AFAP1: variants seen among roughly 807,000 people sequenced by gnomAD.
The protein encoded by AFAP1 is actin filament associated protein 1.
In AFAP1, 75 loss-of-function variants were observed where a neutral mutation model predicts 93.9. That is an observed-to-expected ratio of 0.80 (90% CI 0.66 to 0.97). The LOEUF is 0.97. Among genes scored for constraint, AFAP1 ranks in the 50% least tolerant of loss-of-function variants. The pLI is 0.00. For missense variants in AFAP1, 1,201 were observed against 1,050.8 expected (o/e 1.14, Z -1.98); for synonymous variants, 517 against 430.7 (o/e 1.20, Z -2.48).
chr4:7,919,680 GGTTT>G lies in AFAP1; in HGVS notation c.-3+19972_-3+19975del, dbSNP rs570844907. Among the ~76,000 whole-genome samples, 13 of 152,122 alleles carry G rather than the reference GGTTT, an allele frequency of 8.5e-5. No individual in the cohort carries two copies. In the East Asian group the frequency reaches 1.4e-3, roughly 16 times the overall value. On this transcript the variant is annotated intron_variant, in intron 1 of 17. Transcript: ENST00000420658. ...CTGGGGTACACGTGCAGGATGTGCA[GGTTT>G]GTTACATAGGTAAATGTGTGCCATG...
At chr4:7,834,562 T>C (rs1307021078) in intron 6 of AFAP1, among the ~76,000 whole-genome samples, 2 of 152,256 alleles carry the variant, frequency 1.3e-5, no homozygotes, top group African/African-American at 2.4e-5. Flanking sequence ...AGGAAGCATC[T>C]TTCCGAAAGC....
At chr4:7,855,692 A>C (rs1460155413) in intron 3 of AFAP1, 118 bp from the exon 4 acceptor site, 1 of 815,052 alleles carries the variant, frequency 1.2e-6, no homozygotes, top group Admixed American at 2.1e-5. Context: ...GTCTTCGGCA[A>C]AAGAGAACCT....
chr4:7,778,300 C>G (rs1249424796), intron 14 of AFAP1: 1 of 205,928 alleles, frequency 4.9e-6, no homozygotes, highest in Non-Finnish European at 9.9e-6. Flanking sequence ...ACTCCTCATA[C>G]TGCTCTAGTG....
chr4:7,851,374 G>A (rs777036693), intron 4 of AFAP1, among the ~76,000 whole-genome samples: 26 of 152,206 alleles, frequency 1.7e-4, no homozygotes, highest in Non-Finnish European at 3.1e-4. Context: ...AGTCCTGTGC[G>A]CTGCCTCTTC....
At chr4:7,844,574 C>T (rs185163255) in intron 4 of AFAP1, among the ~76,000 whole-genome samples, 109 of 152,342 alleles carry the variant, frequency 7.2e-4, no homozygotes, top group Non-Finnish European at 1.2e-3. Context: ...AGGCTGTAAG[C>T]CCCCTGAAGA....
chr4:7,871,514 C>G (rs534000917), intron 2 of AFAP1, among the ~76,000 whole-genome samples: 3 of 152,320 alleles, frequency 2.0e-5, no homozygotes, highest in South Asian at 2.1e-4. Flanking sequence ...AGCGTGTGCT[C>G]TGTGTGACCC....
At chr4:7,868,323 T>C (rs1716657536) in intron 3 of AFAP1, among the ~76,000 whole-genome samples, 1 of 152,162 alleles carries the variant, frequency 6.6e-6, no homozygotes, top group Admixed American at 6.5e-5. Flanking sequence ...TAATTTTTGT[T>C]TTTCTTAATC....
At chr4:7,816,298 G>A (rs1720476060) in intron 7 of AFAP1, among the ~76,000 whole-genome samples, 199 bp from the exon 8 acceptor site, 1 of 149,974 alleles carries the variant, frequency 6.7e-6, no homozygotes, top group Non-Finnish European at 1.5e-5. Context: ...ATCCAGAGGG[G>A]GAAAAAAAAA....
intron 12 of AFAP1, among the ~76,000 whole-genome samples, 173 bp downstream of exon 12, chr4:7,786,021 G>A (rs1023937212): frequency 1.3e-5 from 2 of 152,224 alleles, no homozygotes; most frequent in Non-Finnish European, 2.9e-5. Context: ...TGCAGATTCA[G>A]ATAAACAGCA....
At chr4:7,886,407 G>A (rs533004401) in intron 1 of AFAP1, among the ~76,000 whole-genome samples, 2 of 152,260 alleles carry the variant, frequency 1.3e-5, no homozygotes, top group South Asian at 2.1e-4. Context: ...TATGACAATC[G>A]CTGTGCAGTT....
chr4:7,836,045 G>A (rs560963280), intron 6 of AFAP1, among the ~76,000 whole-genome samples: 1 of 152,176 alleles, frequency 6.6e-6, no homozygotes, highest in East Asian at 1.9e-4. Context: ...GGAACAACTG[G>A]GGACCCCCGT....
At chr4:7,774,985 T>C (rs967074179) in intron 14 of AFAP1, 82 bp from the exon 15 acceptor site, 3 of 1,524,364 alleles carry the variant, frequency 2.0e-6, no homozygotes, top group South Asian at 1.3e-5. Flanking sequence ...CCACAAAAAA[T>C]ACAAAATTAG....
At chr4:7,925,338 A>T (rs1390775304) in intron 1 of AFAP1, among the ~76,000 whole-genome samples, 1 of 152,178 alleles carries the variant, frequency 6.6e-6, no homozygotes, top group East Asian at 1.9e-4. Flanking sequence ...CCAGGGAAGG[A>T]ACCACATGTT....
intron 4 of AFAP1, among the ~76,000 whole-genome samples, chr4:7,847,472 T>G (rs1208837034): frequency 1.3e-5 from 2 of 152,130 alleles, no homozygotes; most frequent in Admixed American, 1.3e-4. Flanking sequence ...CTCCGGAAAG[T>G]ATGCTTAGCG....
chr4:7,883,655 CTTATT>C, intron 1 of AFAP1, among the ~76,000 whole-genome samples: 1 of 152,254 alleles, frequency 6.6e-6, no homozygotes, highest in South Asian at 2.1e-4. Flanking sequence ...TTTCTGCATG[CTTATT>C]TTATATCAAA....
intron 1 of AFAP1, among the ~76,000 whole-genome samples, chr4:7,906,552 C>CT (rs1719413916): frequency 6.6e-6 from 1 of 152,198 alleles, no homozygotes; most frequent in Non-Finnish European, 1.5e-5. Context: ...CTCATGAACT[C>CT]TGACAGTATC....
chr4:7,918,506 G>C, intron 1 of AFAP1, among the ~76,000 whole-genome samples: 1 of 138,636 alleles, frequency 7.2e-6, no homozygotes, highest in Non-Finnish European at 1.5e-5. Context: ...CCCGCAAACA[G>C]GGCTGCCGGA....
intron 11 of AFAP1, among the ~76,000 whole-genome samples, chr4:7,793,247 T>G (rs1324917307): frequency 1.3e-5 from 2 of 152,212 alleles, no homozygotes; most frequent in African/African-American, 4.8e-5. Context: ...TACAGCAATA[T>G]GTAGAATCAT....
intron 3 of AFAP1, among the ~76,000 whole-genome samples, chr4:7,860,713 T>C (rs1021624477): frequency 6.6e-6 from 1 of 152,214 alleles, no homozygotes; most frequent in Non-Finnish European, 1.5e-5. Context: ...CCGTTGCTCC[T>C]GCAGCCTCAG....
Sources: gnomAD v4.1 joint callset for allele counts (sites outside exome capture counted in the v4.1 genomes callset) on GRCh38, gnomAD v4.1.1 for gene constraint, MANE v1.5 for transcripts, NCBI Gene and HGNC (gene_info 2026-07-23, HGNC 2026-07-21) for gene names.